PCDHGA3: variants seen among roughly 807,000 people sequenced by gnomAD.
PCDHGA3 encodes protocadherin gamma-A3.
PCDHGA3 carries 40 observed loss-of-function variants against 58.5 expected under a neutral mutation model. The ratio of observed to expected loss-of-function variants is 0.68; its 90% CI spans 0.53 to 0.89. The LOEUF (loss-of-function observed/expected upper bound fraction) is 0.89. Ranked by LOEUF, PCDHGA3 falls within the 40% of genes least tolerant of loss-of-function variation. The pLI is 0.00. For missense variants in PCDHGA3, 1,223 were observed against 1,195.9 expected (o/e 1.02, Z -0.33); for synonymous variants, 530 against 525.7 (o/e 1.01, Z -0.11).
intron 1 of PCDHGA3, chr5:141,422,397 C>A (rs753017439): frequency 6.3e-6 from 10 of 1,597,488 alleles, no homozygotes; most frequent in African/African-American, 2.7e-5. Context: ...TTCCTAACCA[C>A]CTGCCTTTTA....
rs13436338 is a variant in PCDHGA3, at chr5:141,468,261, G to A, written c.2425-26546G>A. On this transcript the variant is annotated intron_variant, in intron 1 of 3. Coordinates refer to ENST00000253812, the MANE Select transcript of PCDHGA3 (RefSeq NM_018916.4). ...AATTGCCTGAACCTGGGAGGCAGAG[G>A]TTGTGGTGAGCCGAGACCACGCCAT... Among the ~76,000 whole-genome samples, 391 of 149,216 alleles carry A rather than the reference G, an allele frequency of 2.6e-3. 2 individuals are homozygous for A. Among genetic ancestry groups the A allele is most frequent in the African/African-American group, 9.3e-3 (377 of 40,498 alleles).
At chr5:141,433,377 A>ATCTG (rs1300427377) in intron 1 of PCDHGA3, among the ~76,000 whole-genome samples, 1 of 150,958 alleles carries the variant, frequency 6.6e-6, no homozygotes, top group Non-Finnish European at 1.5e-5. Context: ...CTATCTATCT[A>ATCTG]TCTATCTATC....
chr5:141,392,692 C>T, intron 1 of PCDHGA3: 11 of 1,148,308 alleles, frequency 9.6e-6, no homozygotes, highest in Non-Finnish European at 1.3e-5. Flanking sequence ...CGAAACCCGA[C>T]CCCTGTTTGG....
chr5:141,426,691 G>A, intron 1 of PCDHGA3: 1 of 435,886 alleles, frequency 2.3e-6, no homozygotes, highest in South Asian at 1.6e-5. Context: ...CCCCAAAATA[G>A]CATTGTTTTA....
chr5:141,421,051 A>G (rs1330155141), intron 1 of PCDHGA3: 8 of 559,830 alleles, frequency 1.4e-5, no homozygotes, highest in South Asian at 2.6e-5. Flanking sequence ...CCCCGCCTCT[A>G]CCACACAAAG....
rs192631651 is a variant in PCDHGA3, at chr5:141,432,052, C to G, written c.2425-62755C>G. On this transcript the variant is annotated intron_variant, in intron 1 of 3. Transcript: ENST00000253812. The surrounding 1 kb of genome is among the most constrained non-coding windows in gnomAD (Gnocchi z 6.0). Reference sequence around the variant, plus strand: ...CCGCCACTGACCGGGGAACCCCGCCCCTATCCACGGAAACTCATATCTCGC... The same window carrying G: ...CCGCCACTGACCGGGGAACCCCGCCGCTATCCACGGAAACTCATATCTCGC... The G allele has an allele frequency of 8.1e-6, 13 of 1,614,226 alleles. No homozygotes were observed. In the Admixed American group the frequency reaches 1.8e-4, roughly 23 times the overall value.
In PCDHGA3 at chr5:141,490,506, C is replaced by T. The variant is rs967095367; in HGVS notation, c.2425-4301C>T. ...GGGAGGCCACATCCCACTATATCAT[C>T]GAGCTGCTGGCCAGCGATGCTGGTT... is the stretch of plus-strand genomic sequence containing the variant. On this transcript the variant is annotated intron_variant, in intron 1 of 3. Transcript: ENST00000253812. This position sits in a 1 kb window ranked among gnomAD's most constrained non-coding sequence, Gnocchi z 5.4. The T allele has an allele frequency of 1.2e-5, 19 of 1,614,116 alleles. No homozygotes were observed. The highest frequency in any genetic ancestry group is 2.2e-5 in the South Asian group (2 of 91,088).
chr5:141,420,293 A>T (rs1478341095), intron 1 of PCDHGA3: 1 of 1,485,484 alleles, frequency 6.7e-7, no homozygotes, highest in Admixed American at 2.2e-5. Context: ...TTAAAAATGT[A>T]TTTAATCCTT....
intron 1 of PCDHGA3, chr5:141,427,983 C>T (rs1390934748): frequency 1.3e-6 from 2 of 1,596,840 alleles, no homozygotes; most frequent in Admixed American, 1.7e-5. Flanking sequence ...CGCGCTGGGG[C>T]CCGATGGCTC....
Position 141,512,270 on chromosome 5 carries a change from G to C in PCDHGA3, c.*1097G>C, listed in dbSNP as rs1188941232. On this transcript the variant is annotated 3_prime_UTR_variant, in exon 4 of 4. Transcript: ENST00000253812. ...TCTGTGGGTGCTGGGTACTCCAGAG[G>C]TGCCACTGGTGGAAGGGTCAGCGGA... 6.5e-6 allele frequency: 1 copy of C among 152,714 alleles called. No homozygotes were observed. The highest frequency in any genetic ancestry group is 2.4e-5 in the African/African-American group (1 of 41,452). The allele number at this position is 152,714 out of a possible 1,614,324, so 9.5% of individuals were successfully genotyped here. A position where few individuals can be genotyped will look rare whatever the true frequency, so the allele number is the denominator to read the frequency against.
At chr5:141,497,020 C>T (rs138768677) in intron 2 of PCDHGA3, among the ~76,000 whole-genome samples, 8 of 152,122 alleles carry the variant, frequency 5.3e-5, no homozygotes, top group African/African-American at 1.7e-4. Flanking sequence ...GAAACCCCAT[C>T]TCGATTAAAA....
intron 1 of PCDHGA3, among the ~76,000 whole-genome samples, chr5:141,369,620 T>G (rs1766381490): frequency 6.6e-6 from 1 of 152,226 alleles, no homozygotes; most frequent in Non-Finnish European, 1.5e-5. Context: ...AATCATTTCC[T>G]CATTACCTTT....
intron 1 of PCDHGA3, chr5:141,421,396 C>T: frequency 2.5e-6 from 4 of 1,614,036 alleles, no homozygotes; most frequent in South Asian, 1.1e-5. Context: ...GGGGCTGGAG[C>T]CCCGGGAGCT....
rs950537869 is a variant in PCDHGA3, at chr5:141,432,150, A to G, written c.2425-62657A>G. 6.2e-7 allele frequency: 1 copy of G among 1,614,010 alleles called. No homozygotes were observed. On this transcript the variant is annotated intron_variant, in intron 1 of 3. Coordinates refer to ENST00000253812, the MANE Select transcript of PCDHGA3 (RefSeq NM_018916.4). The surrounding 1 kb of genome is among the most constrained non-coding windows in gnomAD (Gnocchi z 6.0). ...TCCTATTCCGCTTATATCCCAGAGA[A>G]CAATCCCAGAGGAGTTTCCCTCGTC...
chr5:141,353,686 G>A (rs933691588), intron 1 of PCDHGA3, among the ~76,000 whole-genome samples: 3 of 152,112 alleles, frequency 2.0e-5, no homozygotes, highest in African/African-American at 7.2e-5. Context: ...GGTTTATAAA[G>A]CGTTTTCCAT....
At chr5:141,499,021 GAAGGAAGA>G (rs1193940810) in intron 2 of PCDHGA3, among the ~76,000 whole-genome samples, 2 of 140,162 alleles carry the variant, frequency 1.4e-5, no homozygotes, top group East Asian at 2.1e-4. Flanking sequence ...AGGAAGGAAG[GAAGGAAGA>G]AAAGAAAGAA....
chr5:141,384,903 C>T (rs1780641689), intron 1 of PCDHGA3: 1 of 1,613,992 alleles, frequency 6.2e-7, no homozygotes. Context: ...CTGACAGCAT[C>T]CCCGAAGTCT....
chr5:141,359,079 T>A (rs1279133095), intron 1 of PCDHGA3, among the ~76,000 whole-genome samples: 1 of 151,956 alleles, frequency 6.6e-6, no homozygotes, highest in Non-Finnish European at 1.5e-5. Flanking sequence ...CAAAGGAGAG[T>A]TTTAGTTTCT....
In PCDHGA3 at chr5:141,485,340, C is replaced by T. The variant is rs139641513; in HGVS notation, c.2425-9467C>T. ...GTCGCTCAAGATTTCCTGCTGGATA[C>T]GGACAGTCTGTCAGCTCGCAGGCTG... is the stretch of plus-strand genomic sequence containing the variant. On this transcript the variant is annotated intron_variant, in intron 1 of 3. Coordinates refer to ENST00000253812, the MANE Select transcript of PCDHGA3 (RefSeq NM_018916.4). This position sits in a 1 kb window ranked among gnomAD's most constrained non-coding sequence, Gnocchi z 5.7. 1.2e-6 allele frequency: 2 copies of T among 1,613,958 alleles called. No individual in the cohort carries two copies. Among genetic ancestry groups the T allele is most frequent in the East Asian group, 2.2e-5 (1 of 44,884 alleles).
Sources: allele counts gnomAD v4.1 joint callset (sites outside exome capture counted in the v4.1 genomes callset), GRCh38; gene constraint gnomAD v4.1.1; non-coding constraint Gnocchi (gnomAD v3.1); transcripts MANE v1.5; gene names NCBI Gene and HGNC (gene_info 2026-07-23, HGNC 2026-07-21).